Variants in NSUN4 observed in about 807,000 individuals in gnomAD.
NSUN4 encodes 5-cytosine rRNA methyltransferase NSUN4.
Under a neutral mutation model 43.8 loss-of-function variants are expected in NSUN4, and 31 were observed. The observed-to-expected ratio is 0.71, with a 90% CI of 0.53 to 0.96. The LOEUF is 0.96. NSUN4 is among the 40% of genes least tolerant of loss of function. The pLI is 0.00. For synonymous variants in NSUN4, 167 were observed against 184.1 expected (o/e 0.91, Z 0.75); for missense variants, 439 against 475.6 (o/e 0.92, Z 0.72).
At chr1:46,342,835 C>T in intron 1 of NSUN4, 2 of 399,962 alleles carry the variant, frequency 5.0e-6, no homozygotes, top group Non-Finnish European at 8.8e-6. Context: ...CCCCAGCACA[C>T]CCCTTCTGGC....
chr1:46,379,539 T>C, the NSUN4 span, among the ~76,000 whole-genome samples: 1 of 152,050 alleles, frequency 6.6e-6, no homozygotes, highest in Non-Finnish European at 1.5e-5. Flanking sequence ...CGCTTGAACT[T>C]GGGAGGCAGA....
At chr1:46,348,169 C>T (rs185229691) in intron 3 of NSUN4, among the ~76,000 whole-genome samples, 1 of 152,176 alleles carries the variant, frequency 6.6e-6, no homozygotes, top group East Asian at 1.9e-4. Context: ...CATGAGCCAC[C>T]GCGCCCGGCC....
chr1:46,353,726 C>T (rs1663170331), intron 4 of NSUN4, among the ~76,000 whole-genome samples: 1 of 152,122 alleles, frequency 6.6e-6, no homozygotes, highest in African/African-American at 2.4e-5. Flanking sequence ...ATCCACCCGC[C>T]TCGGCCTCCC....
chr1:46,379,178 T>G, the NSUN4 span, among the ~76,000 whole-genome samples: 1 of 151,868 alleles, frequency 6.6e-6, no homozygotes, highest in Admixed American at 6.6e-5. Flanking sequence ...TAGAGGTTGG[T>G]AGGGGGCCCA....
At chr1:46,350,216 CT>C (rs1662877457) in intron 3 of NSUN4, among the ~76,000 whole-genome samples, 1 of 152,150 alleles carries the variant, frequency 6.6e-6, no homozygotes, top group African/African-American at 2.4e-5. Flanking sequence ...ACAATTTTTA[CT>C]TCTTTGAGTG....
chr1:46,375,756 AAAG>A, the NSUN4 span, among the ~76,000 whole-genome samples: 1 of 150,468 alleles, frequency 6.6e-6, no homozygotes, highest in Non-Finnish European at 1.5e-5. Context: ...AAAAAAAAAA[AAAG>A]GAAGAATGAT....
chr1:46,377,535 T>C, the NSUN4 span, among the ~76,000 whole-genome samples: 2 of 152,194 alleles, frequency 1.3e-5, no homozygotes, highest in Non-Finnish European at 2.9e-5. Flanking sequence ...GGAGATGTTT[T>C]CTCCCACATC....
the NSUN4 span, among the ~76,000 whole-genome samples, chr1:46,381,973 C>T: frequency 2.6e-5 from 4 of 152,168 alleles, no homozygotes; most frequent in Admixed American, 2.6e-4. Context: ...GGATTTGGGA[C>T]CTTGCTTAAC....
At chr1:46,374,131 A>G in the NSUN4 span, among the ~76,000 whole-genome samples, 1 of 151,948 alleles carries the variant, frequency 6.6e-6, no homozygotes, top group Non-Finnish European at 1.5e-5. Flanking sequence ...TACTAAAAAT[A>G]CAAAAATAGC....
the NSUN4 span, among the ~76,000 whole-genome samples, chr1:46,375,557 G>A: frequency 6.6e-6 from 1 of 150,914 alleles, no homozygotes; most frequent in South Asian, 2.1e-4. Flanking sequence ...AACATAGTGA[G>A]TCCTTGTCTT....
Position 46,340,862 on chromosome 1 carries a change from G to A in NSUN4, c.36G>A (p.Leu12=). Residue 12 remains leucine (L), a synonymous_variant, in exon 1 of 6, where the codon CTG becomes CTA. Coordinates refer to ENST00000474844, the MANE Select transcript of NSUN4 (RefSeq NM_199044.4). ...TGACACTGAGGGGTGTCCGGGAGCT[G>A]CTGAAGCGTGTGGACCTCGCGACGG... ...AALTLRGVRE[L]LKRVDLATVP... is the part of the protein sequence containing the mutation. 2 of 1,613,480 alleles carry A rather than the reference G, an allele frequency of 1.2e-6. No individual in the cohort carries two copies. Among genetic ancestry groups the A allele is most frequent in the Non-Finnish European group, 1.7e-6 (2 of 1,179,700 alleles).
the NSUN4 span, among the ~76,000 whole-genome samples, chr1:46,372,304 C>G: frequency 6.6e-6 from 1 of 151,682 alleles, no homozygotes; most frequent in Non-Finnish European, 1.5e-5. Flanking sequence ...CCACGCCCGG[C>G]TGGTTTTTTT....
downstream of NSUN4, among the ~76,000 whole-genome samples, chr1:46,367,746 G>A (rs1664167754): frequency 6.9e-6 from 1 of 145,224 alleles, no homozygotes; most frequent in East Asian, 2.2e-4. Context: ...AACTCAAAAA[G>A]TTACAATCTG....
intron 2 of NSUN4, 78 bp downstream of exon 2, chr1:46,345,222 C>A: frequency 1.9e-6 from 2 of 1,072,732 alleles, no homozygotes; most frequent in Non-Finnish European, 1.3e-6. Flanking sequence ...CTTCTACCCT[C>A]TGTAATAAGG....
At chr1:46,374,591 A>G in the NSUN4 span, among the ~76,000 whole-genome samples, 45 of 152,222 alleles carry the variant, frequency 3.0e-4, no homozygotes, top group African/African-American at 1.1e-3. Flanking sequence ...CCTGGACAAC[A>G]GAGGGAGACT....
intron 4 of NSUN4, among the ~76,000 whole-genome samples, chr1:46,353,552 C>T (rs1205711873): frequency 3.9e-5 from 6 of 152,032 alleles, no homozygotes; most frequent in African/African-American, 1.4e-4. Flanking sequence ...TCTCTGCTCA[C>T]TGCAGCCTCC....
chr1:46,359,550 AATTTT>A (rs1663656823), intron 4 of NSUN4, among the ~76,000 whole-genome samples: 1 of 143,552 alleles, frequency 7.0e-6, no homozygotes, highest in Non-Finnish European at 1.5e-5. Flanking sequence ...CGCCCGGCTA[AATTTT>A]TTTTTTTTTT....
the NSUN4 span, among the ~76,000 whole-genome samples, chr1:46,384,403 T>A: frequency 6.6e-6 from 1 of 152,254 alleles, no homozygotes; most frequent in East Asian, 1.9e-4. Context: ...TAAGTGCTGT[T>A]TTTATGAGCC....
the NSUN4 span, among the ~76,000 whole-genome samples, chr1:46,384,030 G>T: frequency 6.6e-6 from 1 of 152,158 alleles, no homozygotes; most frequent in Non-Finnish European, 1.5e-5. Flanking sequence ...GAGAGTGATG[G>T]GGTGAGTGGT....
Sources: gnomAD v4.1 joint callset for allele counts (sites outside exome capture counted in the v4.1 genomes callset) on GRCh38, gnomAD v4.1.1 for gene constraint, MANE v1.5 for transcripts, NCBI Gene and HGNC (gene_info 2026-07-23, HGNC 2026-07-21) for gene names.